The following ABCC6 variants were observed in gnomAD, a reference collection of about 807,000 sequenced individuals.
The protein encoded by ABCC6 is ATP binding cassette subfamily C member 6.
In ABCC6, 126 loss-of-function variants were observed where a neutral mutation model predicts 169.5. The observed-to-expected ratio is 0.74, with a 90% confidence interval of 0.64 to 0.86. ABCC6 has a LOEUF of 0.86. Ranked by LOEUF, ABCC6 falls within the 40% of genes least tolerant of loss-of-function variation. ABCC6 has a pLI of 0.00. For missense variants in ABCC6, 1,733 were observed against 1,927.2 expected, an observed-to-expected ratio of 0.90 and a Z score of 1.89; for synonymous variants, 752 against 814.7, an observed-to-expected ratio of 0.92 and a Z score of 1.31.
chr16:16,166,270 A>G (rs2046871511), intron 22 of ABCC6, among the ~76,000 whole-genome samples: 1 of 151,814 alleles, frequency 6.6e-6, no homozygotes, highest in African/African-American at 2.4e-5. Context: ...GCTGGTCTCG[A>G]ACTCCTGGGA....
chr16:16,219,317 A>T (rs1382159152), intron 4 of ABCC6, among the ~76,000 whole-genome samples: 5 of 152,096 alleles, frequency 3.3e-5, no homozygotes, highest in African/African-American at 9.7e-5. Flanking sequence ...CATCGTGTGC[A>T]AGTGGCACGT....
At chr16:16,152,872 G>A (rs1174832797) in intron 29 of ABCC6, among the ~76,000 whole-genome samples, 1 of 151,058 alleles carries the variant, frequency 6.6e-6, no homozygotes, top group Non-Finnish European at 1.5e-5. Flanking sequence ...GGTCAGAGGG[G>A]TTTATAAATC....
At chr16:16,160,410 G>A (rs142217287) in intron 25 of ABCC6, among the ~76,000 whole-genome samples, 665 of 152,120 alleles carry the variant, frequency 4.4e-3, no homozygotes, top group Non-Finnish European at 6.5e-3. Context: ...GTCTAAGCAG[G>A]AAGATTGTTT....
chr16:16,200,037 C>T (rs948838886), intron 9 of ABCC6, among the ~76,000 whole-genome samples: 1 of 151,916 alleles, frequency 6.6e-6, no homozygotes, highest in Non-Finnish European at 1.5e-5. Flanking sequence ...CGCTGCACTA[C>T]AGCCTGGGTG....
intron 26 of ABCC6, 43 bp from the exon 27 acceptor site, chr16:16,157,852 AG>A (rs754916743): frequency 1.3e-6 from 2 of 1,590,538 alleles, no homozygotes; most frequent in South Asian, 2.2e-5. Flanking sequence ...CCTTCCTCTA[AG>A]ACTTCACACA....
At chr16:16,175,881 C>G (rs1313712071) in intron 20 of ABCC6, 30 bp downstream of exon 20, 2 of 1,613,502 alleles carry the variant, frequency 1.2e-6, no homozygotes, top group Admixed American at 3.3e-5. Context: ...AGCCTGTGCC[C>G]TTCTGAGTGT....
chr16:16,163,268 C>A, intron 23 of ABCC6, 76 bp from the exon 24 acceptor site: 1 of 1,408,740 alleles, frequency 7.1e-7, no homozygotes, highest in Non-Finnish European at 9.8e-7. Context: ...CACAGAGAGC[C>A]CCAAGTACAG....
intron 4 of ABCC6, among the ~76,000 whole-genome samples, chr16:16,217,545 A>C (rs2048923694): frequency 6.6e-6 from 1 of 152,124 alleles, no homozygotes; most frequent in South Asian, 2.1e-4. Flanking sequence ...CTTTGTTTCT[A>C]TTTCTATTTA....
chr16:16,188,911 C>T lies in ABCC6; in HGVS notation c.1699G>A (p.Ala567Thr), dbSNP rs143092672. Residue 567 changes from alanine to threonine, a missense_variant, in exon 13 of 31, where the codon GCC becomes ACC. Coordinates refer to ENST00000205557, the MANE Select transcript of ABCC6 (RefSeq NM_001171.6). ...TTGAGAACTGTGAGAGTCACAAAGGCTTTCTCTGCATTCATAGCATTCTCG... is the reference window on the plus strand; with the variant it reads ...TTGAGAACTGTGAGAGTCACAAAGGTTTTCTCTGCATTCATAGCATTCTCG... Reference protein sequence around the residue: ...VAENAMNAEKAFVTLTVLNIL... With the variant: ...VAENAMNAEKTFVTLTVLNIL... 6.8e-5 allele frequency: 109 copies of T among 1,614,124 alleles called. No individual in the cohort carries two copies. Among genetic ancestry groups the T allele is most frequent in the Non-Finnish European group, 8.9e-5 (105 of 1,180,008 alleles).
chr16:16,157,655 C>G lies in ABCC6; in HGVS notation c.3882+8G>C. 1 of 1,614,070 alleles carries G rather than the reference C, an allele frequency of 6.2e-7. No individual in the cohort carries two copies. The highest frequency in any genetic ancestry group is 8.5e-7 in the Non-Finnish European group (1 of 1,179,996). The stretch of plus-strand genomic sequence containing the variant: ...CCATGAAGAAGACATTGTGAGAGAA[C>G]CACTCACCTTCTCTCCTGCGTGGAT... On this transcript the variant is annotated splice_region_variant and intron_variant, in intron 27 of 30. Coordinates refer to ENST00000205557, the MANE Select transcript of ABCC6 (RefSeq NM_001171.6).
In ABCC6 at chr16:16,159,506, C is replaced by T. The variant is rs778791988; in HGVS notation, c.3711G>A (p.Gln1237=). ...ENSIVSVERM[Q]DYAWTPKEAP... ...CCTCCTTGGGCGTCCAGGCATAGTCCTGCATCCGCTCCACTGACACGATGC... is the reference window on the plus strand; with the variant it reads ...CCTCCTTGGGCGTCCAGGCATAGTCTTGCATCCGCTCCACTGACACGATGC... The change falls in exon 26 of 31, where the codon CAG becomes CAA. Residue 1237 remains glutamine (Q), a synonymous_variant. Transcript: ENST00000205557. 1.2e-6 allele frequency: 2 copies of T among 1,614,114 alleles called. No homozygotes were observed. The highest frequency in any genetic ancestry group is 2.2e-5 in the South Asian group (2 of 91,086).
At chr16:16,190,967 C>T (rs550392968) in intron 11 of ABCC6, among the ~76,000 whole-genome samples, 6 of 150,346 alleles carry the variant, frequency 4.0e-5, no homozygotes, top group African/African-American at 1.5e-4. Context: ...AACCCAGGCA[C>T]AGGGAATAGC....
In ABCC6 at chr16:16,202,001, C is replaced by T; in HGVS notation, c.1176G>A (p.Lys392=). The T allele has an allele frequency of 6.2e-7, 1 of 1,614,030 alleles. No individual in the cohort carries two copies. The highest frequency in any genetic ancestry group is 1.1e-5 in the South Asian group (1 of 91,078). ...RSAITGLVYR[K]VLALSSGSRK... ...CCTGCCCTTGTCCCCCAGGGCTCAC[C>T]TTTCTGTACACCAGGCCAGTGATGG... The change falls in exon 9 of 31, where the codon AAG becomes AAA. Residue 392 remains lysine (K), a splice_region_variant and synonymous_variant. Transcript: ENST00000205557.
chr16:16,168,663 G>T (rs2644994), intron 22 of ABCC6, among the ~76,000 whole-genome samples: 1 of 151,858 alleles, frequency 6.6e-6, no homozygotes, highest in Non-Finnish European at 1.5e-5. Flanking sequence ...CTCGTGGTGA[G>T]GGGGTTGTTC....
chr16:16,198,918 C>T (rs1006425027), intron 9 of ABCC6, among the ~76,000 whole-genome samples: 1 of 151,852 alleles, frequency 6.6e-6, no homozygotes, highest in Non-Finnish European at 1.5e-5. Context: ...CGCTTAAACC[C>T]AGGAGGCAGA....
At position 16,192,871 on chromosome 16, in the gene ABCC6, G is replaced by A. The variant is rs1471414245; in HGVS notation, c.1390C>T (p.Pro464Ser). ...TAIAVFLSLL[P>S]LNFFISKKRN... The stretch of plus-strand genomic sequence containing the variant: ...TTCTTGGAGATGAAGAAATTCAGAG[G>A]GAGGAGGCTCAGGAAGACAGCGATG... The change falls in exon 11 of 31, where the codon CCT becomes TCT. Residue 464 changes from proline to serine, a missense_variant. Coordinates refer to ENST00000205557, the MANE Select transcript of ABCC6 (RefSeq NM_001171.6). 1.9e-6 allele frequency: 3 copies of A among 1,614,008 alleles called. No homozygotes were observed. The highest frequency in any genetic ancestry group is 1.3e-5 in the African/African-American group (1 of 74,910).
intron 10 of ABCC6, 24 bp downstream of exon 10, chr16:16,197,997 T>C: frequency 6.2e-7 from 1 of 1,611,146 alleles, no homozygotes; most frequent in Non-Finnish European, 8.5e-7. Context: ...TCCGTTCAAA[T>C]CCCGTCTTCC....
At chr16:16,156,076 C>T (rs999790562) in intron 27 of ABCC6, among the ~76,000 whole-genome samples, 2 of 152,084 alleles carry the variant, frequency 1.3e-5, no homozygotes, top group African/African-American at 2.4e-5. Flanking sequence ...TCACCATGCT[C>T]GGCTAATTTT....
chr16:16,164,961 A>G (rs2046830745), intron 23 of ABCC6, among the ~76,000 whole-genome samples: 1 of 152,228 alleles, frequency 6.6e-6, no homozygotes, highest in Non-Finnish European at 1.5e-5. Context: ...GGTTAAGCTA[A>G]TTTTAGTTGG....
Sources: gnomAD v4.1 joint callset for allele counts (sites outside exome capture counted in the v4.1 genomes callset) on GRCh38, gnomAD v4.1.1 for gene constraint, MANE v1.5 for transcripts, NCBI Gene and HGNC (gene_info 2026-07-23, HGNC 2026-07-21) for gene names.